NLGN2: variants seen among roughly 807,000 people sequenced by gnomAD.
NLGN2 encodes the protein neuroligin-2.
In NLGN2, 11 loss-of-function variants were observed where a neutral mutation model predicts 48.6. The observed-to-expected ratio is 0.23, with a 90% CI of 0.14 to 0.37. The LOEUF is 0.37. Among genes scored for constraint, NLGN2 ranks in the 10% least tolerant of loss-of-function variants. The probability of loss-of-function intolerance (pLI) is 1.00; values close to 1 mark genes in which losing one functional copy is unlikely to be tolerated. For synonymous variants in NLGN2, 548 were observed against 550.0 expected (o/e 1.00, Z 0.05); for missense variants, 801 against 1,225.2 (o/e 0.65, Z 5.17).
intron 6 of NLGN2, 116 bp downstream of exon 6, chr17:7,416,223 C>A: frequency 1.3e-6 from 1 of 790,450 alleles, no homozygotes; most frequent in South Asian, 1.5e-5. Context: ...TGAAACCAAC[C>A]CAGACACCTC....
intron 1 of NLGN2, among the ~76,000 whole-genome samples, chr17:7,410,813 GGCGC>G (rs562331404): frequency 1.3e-5 from 2 of 151,318 alleles, no homozygotes; most frequent in Non-Finnish European, 2.9e-5. Context: ...GGTTGACTCA[GGCGC>G]GCGCGCGCAC....
In NLGN2 at chr17:7,417,759, A is replaced by G; in HGVS notation, c.2468A>G (p.Asn823Ser). The change falls in exon 7 of 7, where the codon AAC becomes AGC. Residue 823 changes from asparagine (N) to serine (S), a missense_variant. By Grantham distance (46) the Asn-to-Ser change is conservative (BLOSUM62 1). Around this residue, in one of 5 missense-constraint regions of NLGN2, gnomAD observed 276 missense variants for 313.9 expected, o/e 0.88. Transcript: ENST00000302926. The stretch of plus-strand genomic sequence containing the variant: ...CCCCCTCCCACCGCCACCAGCCACA[A>G]CAACACGCTACCCCACCCCCACTCC... ...PPPPPTATSH[N>S]NTLPHPHSTT... 2 of 1,287,250 alleles carry G rather than the reference A, an allele frequency of 1.6e-6. No individual in the cohort carries two copies. Among genetic ancestry groups the G allele is most frequent in the Non-Finnish European group, 2.0e-6 (2 of 1,001,638 alleles). 79.7% of individuals were successfully genotyped at this position (1,287,250 alleles called of 1,614,324 possible). A position where few individuals can be genotyped will look rare whatever the true frequency, so the allele number is the denominator to read the frequency against.
rs776487771 is a variant in NLGN2, at chr17:7,417,307, C to T, written c.2016C>T (p.Tyr672=). 2.5e-6 allele frequency: 4 copies of T among 1,608,376 alleles called. No individual in the cohort carries two copies. The highest frequency in any genetic ancestry group is 1.7e-5 in the Admixed American group (1 of 59,730). The change falls in exon 7 of 7, where the codon TAC becomes TAT. Residue 672 remains tyrosine (Y), a synonymous_variant. Transcript: ENST00000302926. ...YDRFPGDSRD[Y]STELSVTVAV... is the part of the protein sequence containing the mutation. ...GCTTCCCCGGGGACTCACGGGACTACTCCACGGAGCTGAGCGTCACCGTGG... is the reference window on the plus strand; with the variant it reads ...GCTTCCCCGGGGACTCACGGGACTATTCCACGGAGCTGAGCGTCACCGTGG...
upstream of NLGN2, among the ~76,000 whole-genome samples, chr17:7,406,588 C>T (rs1211021768): frequency 7.2e-6 from 1 of 138,836 alleles, no homozygotes; most frequent in African/African-American, 2.7e-5. Context: ...GAGAGCCACC[C>T]GCGGGCTGGC....
In NLGN2 at chr17:7,413,507, G is replaced by A. The variant is rs961500532; in HGVS notation, c.509-837G>A. The stretch of plus-strand genomic sequence containing the variant: ...TGCAGGGGAGGATACTGTAGCCTCG[G>A]GGACCCTGGCAAGCACTCTCAGACT... On this transcript the variant is annotated intron_variant, in intron 2 of 6. Transcript: ENST00000302926. The surrounding 1 kb of genome is among the most constrained non-coding windows in gnomAD (Gnocchi z 4.9). Among the ~76,000 whole-genome samples, 4 of 152,150 alleles carry A rather than the reference G, an allele frequency of 2.6e-5. No individual in the cohort carries two copies. The highest frequency in any genetic ancestry group is 9.7e-5 in the African/African-American group (4 of 41,424).
intron 6 of NLGN2, 89 bp from the exon 7 acceptor site, chr17:7,416,837 A>C: frequency 1.3e-6 from 2 of 1,487,074 alleles, no homozygotes. Context: ...GTCTCTCTGC[A>C]TCTCTGTCTG....
At chr17:7,406,650 G>GGGT (rs1906652510), upstream of NLGN2, among the ~76,000 whole-genome samples, 5 of 134,448 alleles carry the variant, frequency 3.7e-5, no homozygotes, top group Admixed American at 7.1e-5. Context: ...GCTGGTGGGG[G>GGGT]GGCGGGGGGG....
At chr17:7,414,896 T>TC in intron 4 of NLGN2, 48 bp downstream of exon 4, 1 of 1,612,624 alleles carries the variant, frequency 6.2e-7, no homozygotes, top group South Asian at 1.1e-5. Flanking sequence ...CCCTGCCAAC[T>TC]CCCCCCTCTC....
At position 7,408,722 on chromosome 17, in the gene NLGN2, C is replaced by T. The variant is rs766313959; in HGVS notation, c.457+10C>T. On this transcript the variant is annotated intron_variant, in intron 1 of 6. Coordinates refer to ENST00000302926, the MANE Select transcript of NLGN2 (RefSeq NM_020795.4). This position sits in a 1 kb window ranked among gnomAD's most constrained non-coding sequence, Gnocchi z 7.5. Reference sequence around the variant, plus strand: ...GTGCCCACCGAGGACGGTAAGGGCGCGGGCACAAAGCCGGGCACCCCGTGG... The same window carrying T: ...GTGCCCACCGAGGACGGTAAGGGCGTGGGCACAAAGCCGGGCACCCCGTGG... 2.5e-6 allele frequency: 4 copies of T among 1,612,594 alleles called. No individual in the cohort carries two copies. The highest frequency in any genetic ancestry group is 4.5e-5 in the East Asian group (2 of 44,852).
Position 7,416,096 on chromosome 17 carries a change from C to T in NLGN2, c.1623C>T (p.Phe541=), listed in dbSNP as rs535209462. 2.4e-5 allele frequency: 38 copies of T among 1,609,094 alleles called. No individual in the cohort carries two copies. The highest frequency in any genetic ancestry group is 1.7e-4 in the Middle Eastern group (1 of 6,044). Residue 541 remains phenylalanine (F), a synonymous_variant, in exon 6 of 7, where the codon TTC becomes TTT. Coordinates refer to ENST00000302926, the MANE Select transcript of NLGN2 (RefSeq NM_020795.4). ...TGGTCATGACCTACTGGACCAACTTCGCCAAGACTGGGTGAGGGCCAGAGG... is the reference window on the plus strand; with the variant it reads ...TGGTCATGACCTACTGGACCAACTTTGCCAAGACTGGGTGAGGGCCAGAGG... ...SAVVMTYWTN[F]AKTGDPNQPV... is the part of the protein sequence containing the mutation.
Position 7,414,784 on chromosome 17 carries a change from C to A in NLGN2, c.780C>A (p.Thr260=), listed in dbSNP as rs1055959556. 1 of 1,614,160 alleles carries A rather than the reference C, an allele frequency of 6.2e-7. No individual in the cohort carries two copies. The highest frequency in any genetic ancestry group is 1.3e-5 in the African/African-American group (1 of 75,046). ...TTGGGGGCGACCCCGAGCGTATCAC[C>A]ATCTTTGGTTCCGGGGCAGGGGCCT... is the stretch of plus-strand genomic sequence containing the variant. ...AHFGGDPERI[T]IFGSGAGASC... Residue 260 remains threonine, a synonymous_variant, in exon 4 of 7, where the codon ACC becomes ACA. Coordinates refer to ENST00000302926, the MANE Select transcript of NLGN2 (RefSeq NM_020795.4).
Position 7,408,062 on chromosome 17 carries a change from G to C in NLGN2, c.-194G>C. 2.8e-6 allele frequency: 1 copy of C among 352,388 alleles called. No homozygotes were observed. Among genetic ancestry groups the C allele is most frequent in the Non-Finnish European group, 5.0e-6 (1 of 198,550 alleles). 21.8% of individuals were successfully genotyped at this position (352,388 alleles called of 1,614,324 possible). ...ATTTCCTTCCCCTTCCCCACCCCGT[G>C]CCCCCTCCATGGAGAGGAACAGACC... On this transcript the variant is annotated 5_prime_UTR_variant, in exon 1 of 7. Transcript: ENST00000302926. The surrounding 1 kb of genome is among the most constrained non-coding windows in gnomAD (Gnocchi z 7.5).
In NLGN2 at chr17:7,415,536, G is replaced by T. The variant is rs769424095; in HGVS notation, c.1063G>T (p.Val355Leu). The T allele has an allele frequency of 6.2e-7, 1 of 1,614,268 alleles. No homozygotes were observed. Among genetic ancestry groups the T allele is most frequent in the Non-Finnish European group, 8.5e-7 (1 of 1,180,050 alleles). ...CTACCACATCGCCTTTGGGCCCGTG[G>T]TGGATGGCGACGTGGTCCCCGATGA... ...ARYHIAFGPV[V>L]DGDVVPDDPE... is the part of the protein sequence containing the mutation. Residue 355 changes from valine (V) to leucine (L), a missense_variant, in exon 6 of 7, where the codon GTG (valine) becomes TTG (leucine). Val to Leu is a conservative substitution (Grantham distance 32, BLOSUM62 1). Coordinates refer to ENST00000302926, the MANE Select transcript of NLGN2 (RefSeq NM_020795.4).
Position 7,418,260 on chromosome 17 carries a change from G to A in NLGN2, c.*461G>A, listed in dbSNP as rs1448353189. ...CTCCCTCCCCCTGGAGACCCTGGAAGTGGTGTGTTCACATACAGTGACCCT... is the reference window on the plus strand; with the variant it reads ...CTCCCTCCCCCTGGAGACCCTGGAAATGGTGTGTTCACATACAGTGACCCT... On this transcript the variant is annotated 3_prime_UTR_variant, in exon 7 of 7. Transcript: ENST00000302926. The A allele has an allele frequency of 6.6e-6, 1 of 152,262 alleles. No individual in the cohort carries two copies. The highest frequency in any genetic ancestry group is 1.9e-4 in the East Asian group (1 of 5,162). The allele number at this position is 152,262 out of a possible 1,614,324, so 9.4% of individuals were successfully genotyped here.
Position 7,415,092 on chromosome 17 carries a change from G to A in NLGN2, c.981G>A (p.Glu327=), listed in dbSNP as rs1333377860. The A allele has an allele frequency of 2.5e-6, 4 of 1,611,470 alleles. No individual in the cohort carries two copies. The highest frequency in any genetic ancestry group is 1.7e-5 in the Admixed American group (1 of 59,996). Reference sequence around the variant, plus strand: ...GAGAGGACAGCGCTGAAGCTGTGGAGTGTCTGCGCCGGAAGCCCTCCCGGG... The same window carrying A: ...GAGAGGACAGCGCTGAAGCTGTGGAATGTCTGCGCCGGAAGCCCTCCCGGG... The part of the protein sequence containing the change: ...CDREDSAEAV[E]CLRRKPSREL... The change falls in exon 5 of 7, where the codon GAG becomes GAA. Residue 327 remains glutamate (E), a synonymous_variant. Transcript: ENST00000302926.
chr17:7,407,083 T>C (rs1906675187), upstream of NLGN2, among the ~76,000 whole-genome samples: 1 of 152,110 alleles, frequency 6.6e-6, no homozygotes, highest in African/African-American at 2.4e-5. Flanking sequence ...TCTTCCTCTA[T>C]GTTAAGGTTG....
chr17:7,414,270 G>T, intron 2 of NLGN2, 74 bp from the exon 3 acceptor site: 1 of 1,421,164 alleles, frequency 7.0e-7, no homozygotes. Context: ...TGGGAGCTGG[G>T]CGCTGCTGCT....
At chr17:7,409,555 C>A (rs1016478135) in intron 1 of NLGN2, among the ~76,000 whole-genome samples, 1 of 151,990 alleles carries the variant, frequency 6.6e-6, no homozygotes. Flanking sequence ...TCACAAACAC[C>A]CCCCTGCACC....
In NLGN2 at chr17:7,418,744, C is replaced by T. The variant is rs1907254180; in HGVS notation, c.*945C>T. On this transcript the variant is annotated 3_prime_UTR_variant, in exon 7 of 7. Transcript: ENST00000302926. Reference sequence around the variant, plus strand: ...CCCCGAGGGAGGCCCGGCCCTTGCTCCCGAGTTGGGGGGAGGGGGTGTGGC... The same window carrying T: ...CCCCGAGGGAGGCCCGGCCCTTGCTTCCGAGTTGGGGGGAGGGGGTGTGGC... The T allele has an allele frequency of 6.6e-6, 1 of 152,446 alleles. No homozygotes were observed. Among genetic ancestry groups the T allele is most frequent in the Admixed American group, 6.5e-5 (1 of 15,270 alleles). The allele number at this position is 152,446 out of a possible 1,614,324, so 9.4% of individuals were successfully genotyped here.
Sources: gnomAD v4.1 joint callset for allele counts (sites outside exome capture counted in the v4.1 genomes callset) on GRCh38, gnomAD v4.1.1 for gene constraint, gnomAD v4.1.1 regional missense constraint, Gnocchi (gnomAD v3.1) non-coding constraint, MANE v1.5 for transcripts, NCBI Gene and HGNC (gene_info 2026-07-23, HGNC 2026-07-21) for gene names.